SMARCA1: variants seen among roughly 807,000 people sequenced by gnomAD.
SMARCA1 encodes SWI/SNF-related matrix-associated actin-dependent regulator of chromatin subfamily A member 1.
In SMARCA1, 17 loss-of-function variants were observed where a neutral mutation model predicts 93.6. That is an observed-to-expected ratio of 0.18 (90% CI 0.12 to 0.27). The LOEUF (loss-of-function observed/expected upper bound fraction) is 0.27. Ranked by LOEUF, SMARCA1 falls within the 10% of genes least tolerant of loss-of-function variation. The probability of loss-of-function intolerance (pLI) is 1.00; values close to 1 mark genes in which losing one functional copy is unlikely to be tolerated. For synonymous variants in SMARCA1, 271 were observed against 271.4 expected (o/e 1.00, Z 0.01); for missense variants, 630 against 819.0 (o/e 0.77, Z 2.82).
intron 21 of SMARCA1, among the ~76,000 whole-genome samples, chrX:129,467,760 T>C (rs1361199090): frequency 1.8e-5 from 2 of 111,051 alleles, no homozygotes; most frequent in Non-Finnish European, 3.8e-5. Flanking sequence ...TATTTATTGG[T>C]ACTGTAATGT....
At chrX:129,479,516 C>A (rs1294939946) in intron 19 of SMARCA1, among the ~76,000 whole-genome samples, 1 of 109,804 alleles carries the variant, frequency 9.1e-6, no homozygotes, top group East Asian at 2.8e-4. Flanking sequence ...ATACATGGAG[C>A]TTTTCTAGGC....
intron 17 of SMARCA1, 92 bp downstream of exon 17, chrX:129,486,926 G>A (rs1933916931): frequency 1.5e-6 from 1 of 680,893 alleles, no homozygotes. Context: ...CTAGAGCAGG[G>A]TATTATAATA....
intron 1 of SMARCA1, among the ~76,000 whole-genome samples, chrX:129,522,368 G>A (rs961802634): frequency 3.6e-5 from 4 of 110,723 alleles, no homozygotes; most frequent in African/African-American, 1.3e-4. Context: ...CGCCCACTAG[G>A]AGAGGGAGGC....
In SMARCA1 at chrX:129,468,799, G is replaced by C. The variant is rs199564138; in HGVS notation, c.2672C>G (p.Ser891Cys). ...DNIAREVEGK[S>C]PEEVMEYSAV... Reference sequence around the variant, plus strand: ...TGAATACTCCATGACCTCCTCAGGGGATTTGCCCTCTACCTCTCGAGCTAT... The same window carrying C: ...TGAATACTCCATGACCTCCTCAGGGCATTTGCCCTCTACCTCTCGAGCTAT... The change falls in exon 21 of 25, where the codon TCC becomes TGC. Residue 891 changes from serine (S) to cysteine (C), a missense_variant. By Grantham distance (112) the Ser-to-Cys change is moderately radical. Coordinates refer to ENST00000371121, the MANE Select transcript of SMARCA1 (RefSeq NM_001282874.2). 6 of 1,189,305 alleles carry C rather than the reference G, an allele frequency of 5.0e-6. No homozygotes were observed. In the East Asian group the frequency reaches 1.8e-4, roughly 36 times the overall value.
chrX:129,507,759 G>T (rs1029907799), intron 7 of SMARCA1, among the ~76,000 whole-genome samples, 182 bp downstream of exon 7: 1 of 111,781 alleles, frequency 8.9e-6, no homozygotes, highest in Non-Finnish European at 1.9e-5. Context: ...TCACCATGTT[G>T]GTCAGAATGG....
intron 17 of SMARCA1, among the ~76,000 whole-genome samples, chrX:129,484,764 C>T (rs1406424152): frequency 9.0e-6 from 1 of 111,408 alleles, no homozygotes; most frequent in Admixed American, 9.5e-5. Context: ...TTAATAAATA[C>T]ATATAGATGG....
At chrX:129,501,276 A>T in intron 9 of SMARCA1, among the ~76,000 whole-genome samples, 1 of 106,955 alleles carries the variant, frequency 9.3e-6, no homozygotes, top group East Asian at 3.0e-4. Flanking sequence ...AAAAACAAAT[A>T]TATGATATGT....
At chrX:129,504,019 T>G (rs972108754) in intron 9 of SMARCA1, among the ~76,000 whole-genome samples, 14 of 107,923 alleles carry the variant, frequency 1.3e-4, no homozygotes, top group Non-Finnish European at 2.1e-4. Flanking sequence ...GGCTCACGCC[T>G]GTAATCCCAG....
chrX:129,458,460 A>G (rs1015971529), intron 23 of SMARCA1, among the ~76,000 whole-genome samples: 7 of 112,062 alleles, frequency 6.2e-5, no homozygotes, highest in Non-Finnish European at 1.3e-4. Context: ...ATTTTTGAAT[A>G]CTAGGATATG....
intron 24 of SMARCA1, among the ~76,000 whole-genome samples, chrX:129,447,944 C>T (rs989229329): frequency 9.0e-6 from 1 of 111,534 alleles, no homozygotes; most frequent in African/African-American, 3.3e-5. Flanking sequence ...CTCATAATTC[C>T]ACAAACATCA....
intron 7 of SMARCA1, among the ~76,000 whole-genome samples, chrX:129,506,974 CAT>C (rs1225417010): frequency 9.0e-6 from 1 of 111,397 alleles, no homozygotes; most frequent in African/African-American, 3.3e-5. Context: ...ACTTTCTAAA[CAT>C]AAGACCAGAA....
intron 2 of SMARCA1, among the ~76,000 whole-genome samples, chrX:129,517,130 C>T (rs980339768): frequency 9.0e-6 from 1 of 110,756 alleles, no homozygotes; most frequent in African/African-American, 3.3e-5. Context: ...AACTTTCTCC[C>T]CAAAGTAAGC....
At chrX:129,485,319 A>G (rs1268948203) in intron 17 of SMARCA1, among the ~76,000 whole-genome samples, 1 of 112,295 alleles carries the variant, frequency 8.9e-6, no homozygotes, top group Non-Finnish European at 1.9e-5. Context: ...TTGGACTTGC[A>G]TGGGGCTTGG....
intron 21 of SMARCA1, among the ~76,000 whole-genome samples, 169 bp downstream of exon 21, chrX:129,468,604 T>C (rs963321858): frequency 2.7e-5 from 3 of 112,426 alleles, no homozygotes. Flanking sequence ...GGATAAATCT[T>C]ATAACCTTTC....
At chrX:129,508,855 G>C (rs915717093) in intron 6 of SMARCA1, among the ~76,000 whole-genome samples, 5 of 112,195 alleles carry the variant, frequency 4.5e-5, no homozygotes, top group African/African-American at 1.6e-4. Flanking sequence ...AAAAGTTAAT[G>C]GGAAGCAGCA....
At chrX:129,448,105 T>G (rs775568846) in intron 24 of SMARCA1, among the ~76,000 whole-genome samples, 20 of 111,180 alleles carry the variant, frequency 1.8e-4, no homozygotes, top group South Asian at 3.8e-4. Context: ...ATGAGGAATT[T>G]TTTAAAATAC....
At chrX:129,453,095 T>C (rs1391819735) in intron 23 of SMARCA1, among the ~76,000 whole-genome samples, 1 of 111,371 alleles carries the variant, frequency 9.0e-6, no homozygotes, top group Non-Finnish European at 1.9e-5. Flanking sequence ...AACCAGCCAT[T>C]CCCCCAACTC....
intron 5 of SMARCA1, among the ~76,000 whole-genome samples, chrX:129,514,893 C>CA (rs915236016): frequency 2.2e-4 from 24 of 109,966 alleles, no homozygotes; most frequent in Admixed American, 1.9e-4. Context: ...ACTAAAAATA[C>CA]AAAAAAATTA....
chrX:129,504,465 C>G (rs56949114), intron 9 of SMARCA1, among the ~76,000 whole-genome samples: 3 of 100,234 alleles, frequency 3.0e-5, no homozygotes, highest in Admixed American at 1.2e-4. Flanking sequence ...GGAACAGCCT[C>G]TCTATTGGAG....
Sources: gnomAD v4.1 joint callset for allele counts (sites outside exome capture counted in the v4.1 genomes callset) on GRCh38, gnomAD v4.1.1 for gene constraint, MANE v1.5 for transcripts, NCBI Gene and HGNC (gene_info 2026-07-23, HGNC 2026-07-21) for gene names.